Variants in LINS1 observed in about 807,000 individuals in gnomAD.
The protein encoded by LINS1 is lines homolog 1, also known as protein Lines homolog 1.
In LINS1, 27 loss-of-function variants were observed where a neutral mutation model predicts 41.6. That is an observed-to-expected ratio of 0.65 (90% CI 0.48 to 0.89). The LOEUF is 0.89. LINS1 is among the 40% of genes least tolerant of loss of function. LINS1 has a pLI of 0.00. For synonymous variants in LINS1, 336 were observed against 312.9 expected (o/e 1.07, Z -0.78); for missense variants, 955 against 884.1 (o/e 1.08, Z -1.02).
Position 100,571,913 on chromosome 15 carries a change from T to G in LINS1, c.1375A>C (p.Ile459Leu). 1 of 1,614,234 alleles carries G rather than the reference T, an allele frequency of 6.2e-7. No homozygotes were observed. Among genetic ancestry groups the G allele is most frequent in the African/African-American group, 1.3e-5 (1 of 75,062 alleles). Residue 459 changes from isoleucine to leucine, a missense_variant, in exon 6 of 7, where the codon ATC becomes CTC. Physicochemically the swap from Ile to Leu is conservative, Grantham distance 5 (BLOSUM62 2). Transcript: ENST00000314742. ...MLEAAKASLG[I>L]YLTLTRGCEA... ...ACTAACCTGGTCAGTGTTAAGTAGA[T>G]GCCCAGTGATGCCTTGGCAGCCTCC...
rs540179700 is a variant in LINS1 at position 100,596,421 on chromosome 15, G to A, written c.-104+5700C>T. Among the ~76,000 whole-genome samples, 526 of 60,708 alleles carry A rather than the reference G, an allele frequency of 8.7e-3. 2 individuals carry two copies. Among genetic ancestry groups the A allele is most frequent in the Non-Finnish European group, 0.019 (384 of 19,910 alleles). The allele number at this position is 60,708 out of a possible 152,430, so 39.8% of individuals were successfully genotyped here. On this transcript the variant is annotated intron_variant, in intron 1 of 6. Transcript: ENST00000314742. ...TAAATTGTCTTCCTATTAAACTCTT[G>A]TCTTAGGACTCTGAAACAGGCCAGA...
At chr15:100,572,559 A>G in intron 5 of LINS1, 4 of 998,928 alleles carry the variant, frequency 4.0e-6, no homozygotes, top group Non-Finnish European at 4.8e-6. Context: ...TTTGAACTAC[A>G]ATTTAAAACT....
intron 3 of LINS1, among the ~76,000 whole-genome samples, chr15:100,578,069 C>T (rs2038295581): frequency 6.6e-6 from 1 of 152,050 alleles, no homozygotes; most frequent in Admixed American, 6.6e-5. Flanking sequence ...ACCATAAAAA[C>T]CCTAGAAGAA....
chr15:100,586,473 T>C (rs2038806730), intron 1 of LINS1: 1 of 152,248 alleles, frequency 6.6e-6, no homozygotes, highest in African/African-American at 2.4e-5. Context: ...TGGGGAAGTA[T>C]GTTTCTAAAT....
At chr15:100,601,825 T>C (rs2039510629) in intron 1 of LINS1, among the ~76,000 whole-genome samples, 1 of 152,094 alleles carries the variant, frequency 6.6e-6, no homozygotes, top group African/African-American at 2.4e-5. Flanking sequence ...CCAACGTTGC[T>C]ATCCTTTCAG....
In LINS1 at chr15:100,573,449, T is replaced by C. The variant is rs940984540; in HGVS notation, c.1222+202A>G. 3 of 967,206 alleles carry C rather than the reference T, an allele frequency of 3.1e-6. No individual in the cohort carries two copies. In the Admixed American group the frequency reaches 1.1e-4, roughly 34 times the overall value. 59.9% of individuals were successfully genotyped at this position (967,206 alleles called of 1,614,324 possible). On this transcript the variant is annotated intron_variant, in intron 5 of 6. Transcript: ENST00000314742. ...TCATTCCTTATGCTTTACAAATTCA[T>C]TGTAGGCACAAAAAGCTGACATGTT...
intron 3 of LINS1, among the ~76,000 whole-genome samples, chr15:100,580,036 CA>C (rs2038440820): frequency 6.6e-6 from 1 of 152,010 alleles, no homozygotes. Flanking sequence ...GGGTAAAAAT[CA>C]AATGTCAAAG....
At position 100,570,363 on chromosome 15, in the gene LINS1, G is replaced by A. The variant is rs544238346; in HGVS notation, c.1395-246C>T. Reference sequence around the variant, plus strand: ...TTTGTCTGCCCAATAAAAGTTACCTGTTGTTCTTTCTCTCGACATCAGAAC... The same window carrying A: ...TTTGTCTGCCCAATAAAAGTTACCTATTGTTCTTTCTCTCGACATCAGAAC... On this transcript the variant is annotated intron_variant, in intron 6 of 6. Coordinates refer to ENST00000314742, the MANE Select transcript of LINS1 (RefSeq NM_001040616.3). 351 of 394,952 alleles carry A rather than the reference G, an allele frequency of 8.9e-4. 1 individual carries two copies. Among genetic ancestry groups the A allele is most frequent in the African/African-American group, 6.5e-3 (316 of 48,464 alleles). 24.5% of individuals were successfully genotyped at this position (394,952 alleles called of 1,614,324 possible). A position where few individuals can be genotyped will look rare whatever the true frequency, so the allele number is the denominator to read the frequency against.
intron 1 of LINS1, among the ~76,000 whole-genome samples, chr15:100,582,196 G>A (rs60003000): frequency 0.095 from 13,123 of 137,982 alleles, 575 homozygotes; most frequent in East Asian, 0.22. Flanking sequence ...TGGGTCTTCC[G>A]TCTACACTAT....
At position 100,569,370 on chromosome 15, in the gene LINS1, T is replaced by C. The variant is rs199690370; in HGVS notation, c.2142A>G (p.Lys714=). Residue 714 remains lysine, a synonymous_variant, in exon 7 of 7, where the codon AAA becomes AAG. Coordinates refer to ENST00000314742, the MANE Select transcript of LINS1 (RefSeq NM_001040616.3). ...SEVGIFYRIV[K]CFQELQDAIC... Reference sequence around the variant, plus strand: ...TGGCATCTTGTAGTTCCTGGAAGCATTTTACTATTCTGTAAAATATTCCCA... The same window carrying C: ...TGGCATCTTGTAGTTCCTGGAAGCACTTTACTATTCTGTAAAATATTCCCA... The C allele has an allele frequency of 7.4e-6, 12 of 1,614,166 alleles. No individual in the cohort carries two copies. The African/African-American group carries it at 1.2e-4, about 16-fold the overall frequency.
chr15:100,580,473 A>G lies in LINS1; in HGVS notation c.370T>C (p.Leu124=), dbSNP rs2038471963. Residue 124 remains leucine, a synonymous_variant, in exon 2 of 7, where the codon TTA becomes CTA. Coordinates refer to ENST00000314742, the MANE Select transcript of LINS1 (RefSeq NM_001040616.3). Reference sequence around the variant, plus strand: ...TTAGAATCGACTTTGGCTGATTCTAAGAGAATTTTAATTACATCTCTGTAC... The same window carrying G: ...TTAGAATCGACTTTGGCTGATTCTAGGAGAATTTTAATTACATCTCTGTAC... The part of the protein sequence containing the change: ...EQYRDVIKIL[L]ESAKVDSKLI... 6.2e-7 allele frequency: 1 copy of G among 1,613,966 alleles called. No individual in the cohort carries two copies. The highest frequency in any genetic ancestry group is 8.5e-7 in the Non-Finnish European group (1 of 1,179,972).
At chr15:100,575,759 A>C (rs1342112265) in intron 3 of LINS1, among the ~76,000 whole-genome samples, 3 of 152,220 alleles carry the variant, frequency 2.0e-5, no homozygotes, top group African/African-American at 7.2e-5. Context: ...TCCAAAATTG[A>C]CCACATAGTT....
chr15:100,579,401 A>AC (rs1555432617), intron 3 of LINS1, among the ~76,000 whole-genome samples: 2 of 146,276 alleles, frequency 1.4e-5, no homozygotes. Context: ...CCTTTAACTT[A>AC]TTTTTTTTTT....
At chr15:100,573,351 T>G (rs2037952125) in intron 5 of LINS1, 3 of 1,219,222 alleles carry the variant, frequency 2.5e-6, no homozygotes, top group Middle Eastern at 3.2e-4. Context: ...TAAAATGCTG[T>G]AAATACTTGA....
chr15:100,584,799 C>CA lies in LINS1; in HGVS notation c.-103-3855dup, dbSNP rs199576815. On this transcript the variant is annotated intron_variant, in intron 1 of 6. Coordinates refer to ENST00000314742, the MANE Select transcript of LINS1 (RefSeq NM_001040616.3). ...ACAGACTGAAGACTGAGCCACAATT[C>CA]AAATGCCAACTGCAAGCCCCAGGAT... Among the ~76,000 whole-genome samples, 827 of 152,314 alleles carry CA rather than the reference C, an allele frequency of 5.4e-3. 6 individuals carry two copies. Among genetic ancestry groups the CA allele is most frequent in the African/African-American group, 0.019 (795 of 41,564 alleles).
In LINS1 at chr15:100,569,453, A is replaced by G. The variant is rs2037682816; in HGVS notation, c.2059T>C (p.Phe687Leu). 6.2e-7 allele frequency: 1 copy of G among 1,614,194 alleles called. No individual in the cohort carries two copies. The change falls in exon 7 of 7, where the codon TTT (phenylalanine) becomes CTT (leucine). Residue 687 changes from phenylalanine to leucine, a missense_variant. Coordinates refer to ENST00000314742, the MANE Select transcript of LINS1 (RefSeq NM_001040616.3). ...CAATCAAAGGAGAAGGCAGTATCAA[A>G]TTCTTTCAGAACCAGAGGCCTTGAT... is the stretch of plus-strand genomic sequence containing the variant. ...PPSRPLVLKE[F>L]DTAFSFDCEV...
rs745993602 is a variant in LINS1 at position 100,569,859 on chromosome 15, T to C, written c.1653A>G (p.Lys551=). 1.2e-6 allele frequency: 2 copies of C among 1,614,160 alleles called. No homozygotes were observed. The highest frequency in any genetic ancestry group is 1.1e-5 in the South Asian group (1 of 91,068). The change falls in exon 7 of 7, where the codon AAA becomes AAG. Residue 551 remains lysine, a synonymous_variant. Coordinates refer to ENST00000314742, the MANE Select transcript of LINS1 (RefSeq NM_001040616.3). ...ICNNFDATES[K]YDISICGCVP... ...CACAGCCACAAATACTTATGTCATA[T>C]TTAGATTCAGTTGCATCAAAGTTAT...
At chr15:100,592,908 G>C (rs555823036) in intron 1 of LINS1, among the ~76,000 whole-genome samples, 1 of 152,314 alleles carries the variant, frequency 6.6e-6, no homozygotes, top group South Asian at 2.1e-4. Context: ...ATAAATGTCC[G>C]TGGGTAGCCC....
chr15:100,580,340 G>A lies in LINS1; in HGVS notation c.412C>T (p.Gln138Ter). Residue 138 changes from glutamine to a stop codon, truncating the protein, a stop_gained, in exon 3 of 7, where the codon CAA (glutamine) becomes TAA (stop). Coordinates refer to ENST00000314742, the MANE Select transcript of LINS1 (RefSeq NM_001040616.3). LOFTEE classifies it high-confidence loss of function. ...KVDSKLICMF[Q>*]NSDKLLSHMA... is the part of the protein sequence containing the mutation. ...TGAGATAACAATTTATCTGAATTTT[G>A]GAACATGCAGATCTACAGGAAAACA... 1 of 1,612,320 alleles carries A rather than the reference G, an allele frequency of 6.2e-7. No homozygotes were observed. Among genetic ancestry groups the A allele is most frequent in the Non-Finnish European group, 8.5e-7 (1 of 1,178,728 alleles).
Sources: gnomAD v4.1 joint callset for allele counts (sites outside exome capture counted in the v4.1 genomes callset) on GRCh38, gnomAD v4.1.1 for gene constraint, MANE v1.5 for transcripts, NCBI Gene and HGNC (gene_info 2026-07-23, HGNC 2026-07-21) for gene names.